The following TAOK2 variants were observed in gnomAD, a reference collection of about 807,000 sequenced individuals.
The protein encoded by TAOK2 is TAO kinase 2.
Under a neutral mutation model 122.5 loss-of-function variants are expected in TAOK2, and 42 were observed. The observed-to-expected ratio is 0.34, with a 90% CI of 0.27 to 0.44. The LOEUF is 0.44. Ranked by LOEUF, TAOK2 falls within the 20% of genes least tolerant of loss-of-function variation. The pLI is 1.00. For synonymous variants in TAOK2, 704 were observed against 677.6 expected, an observed-to-expected ratio of 1.04 and a Z score of -0.61; for missense variants, 1,264 against 1,644.9, an observed-to-expected ratio of 0.77 and a Z score of 4.01.
At chr16:29,982,949 G>GC (rs1008969200) in intron 11 of TAOK2, 48 bp downstream of exon 11, 5 of 1,607,084 alleles carry the variant, frequency 3.1e-6, no homozygotes, top group Non-Finnish European at 4.3e-6. Flanking sequence ...ATGTGTGCCT[G>GC]CCCCCTGCAG....
At position 29,983,117 on chromosome 16, in the gene TAOK2, G is replaced by A. The variant is rs760747000; in HGVS notation, c.1045G>A (p.Glu349Lys). Residue 349 changes from glutamate to lysine, a missense_variant, in exon 12 of 16, where the codon GAG becomes AAG. This residue lies in a region of TAOK2 where 254 missense variants were observed against 503.8 expected (regional missense o/e 0.50). Transcript: ENST00000308893. ...MHRAGTLTSL[E>K]SSHSVPSMSI... is the part of the protein sequence containing the mutation. ...CCGGGCCGGGACTCTGACCAGCCTC[G>A]AGAGTAGCCACTCAGTGCCCAGCAT... 5 of 1,613,872 alleles carry A rather than the reference G, an allele frequency of 3.1e-6. No homozygotes were observed. Among genetic ancestry groups the A allele is most frequent in the East Asian group, 2.2e-5 (1 of 44,880 alleles).
Position 29,983,491 on chromosome 16 carries a change from A to G in TAOK2, c.1261-12A>G, listed in dbSNP as rs565247135. ...CCTCTGAGCCTTGGGTGTTCCTTCT[A>G]TCTCCCTCTAGGGCTCTGACAACCT... On this transcript the variant is annotated splice_polypyrimidine_tract_variant and intron_variant, in intron 12 of 15. Coordinates refer to ENST00000308893, the MANE Select transcript of TAOK2 (RefSeq NM_016151.4). The G allele has an allele frequency of 1.1e-4, 169 of 1,598,216 alleles. No homozygotes were observed. The highest frequency in any genetic ancestry group is 3.3e-4 in the Middle Eastern group (2 of 5,994).
In TAOK2 at chr16:29,985,151, C is replaced by G; in HGVS notation, c.1423-62C>G. 6.9e-7 allele frequency: 1 copy of G among 1,459,606 alleles called. No individual in the cohort carries two copies. The highest frequency in any genetic ancestry group is 9.1e-7 in the Non-Finnish European group (1 of 1,104,532). 90.4% of individuals were successfully genotyped at this position (1,459,606 alleles called of 1,614,324 possible). On this transcript the variant is annotated intron_variant, in intron 13 of 15. Coordinates refer to ENST00000308893, the MANE Select transcript of TAOK2 (RefSeq NM_016151.4). This position sits in a 1 kb window ranked among gnomAD's most constrained non-coding sequence, Gnocchi z 6.9. ...CCCATGCTCTTCCCCACGGAAGACC[C>G]CTTGTGTTAATTAACTAGGGGCCAG...
In TAOK2 at chr16:29,986,488, A is replaced by T; in HGVS notation, c.2216A>T (p.Gln739Leu). Residue 739 changes from glutamine (Q) to leucine (L), a missense_variant, in exon 16 of 16, where the codon CAG becomes CTG. Gln to Leu is a moderately radical substitution (Grantham distance 113). Coordinates refer to ENST00000308893, the MANE Select transcript of TAOK2 (RefSeq NM_016151.4). The surrounding 1 kb of genome is among the most constrained non-coding windows in gnomAD (Gnocchi z 4.2). Reference protein sequence around the residue: ...RQKHAAQVRQQPKSLKVRAGQ... With the variant: ...RQKHAAQVRQLPKSLKVRAGQ... The stretch of plus-strand genomic sequence containing the variant: ...AAGCATGCGGCCCAGGTTCGCCAGC[A>T]GCCCAAGAGCCTCAAAGTACGTGCA... The T allele has an allele frequency of 6.2e-7, 1 of 1,605,854 alleles. No individual in the cohort carries two copies. The highest frequency in any genetic ancestry group is 8.5e-7 in the Non-Finnish European group (1 of 1,175,636).
At chr16:29,983,457 A>G (rs1290000284) in intron 12 of TAOK2, 46 bp from the exon 13 acceptor site, 4 of 1,578,452 alleles carry the variant, frequency 2.5e-6, no homozygotes, top group Non-Finnish European at 3.5e-6. Flanking sequence ...CTCTCTTTGG[A>G]CCCAGTGGCC....
rs199799832 is a variant in TAOK2, at chr16:29,987,839, A to G, written c.3567A>G (p.Glu1189=). Residue 1189 remains glutamate, a synonymous_variant, in exon 16 of 16, where the codon GAA becomes GAG. Transcript: ENST00000308893. ...CCAGCTGGGGCCTGCTTCGGGGTGAACGGCCCACCCGAATCCCCCGGCTAC... is the reference window on the plus strand; with the variant it reads ...CCAGCTGGGGCCTGCTTCGGGGTGAGCGGCCCACCCGAATCCCCCGGCTAC... ...TLASWGLLRG[E]RPTRIPRLLP... is the part of the protein sequence containing the mutation. 1.9e-5 allele frequency: 30 copies of G among 1,612,086 alleles called. No individual in the cohort carries two copies. In the Middle Eastern group the frequency reaches 5.0e-4, roughly 27 times the overall value.
intron 8 of TAOK2, chr16:29,981,297 G>A: frequency 3.7e-6 from 2 of 536,010 alleles, no homozygotes; most frequent in Non-Finnish European, 6.6e-6. Flanking sequence ...GGTTCCTTGA[G>A]GGTGGGGCCT....
intron 13 of TAOK2, 25 bp downstream of exon 13, chr16:29,983,689 C>G (rs778313505): frequency 2.5e-6 from 4 of 1,587,110 alleles, no homozygotes; most frequent in Non-Finnish European, 3.4e-6. Flanking sequence ...CCTCACTCAG[C>G]CTGCTCGCTG....
At chr16:29,991,085 C>G, downstream of TAOK2, 1 of 1,586,508 alleles carries the variant, frequency 6.3e-7, no homozygotes, top group South Asian at 1.1e-5. This position sits in a 1 kb window ranked among gnomAD's most constrained non-coding sequence, Gnocchi z 5.6. Flanking sequence ...CAGGACGCTC[C>G]GAGCGAATCC....
Position 29,985,995 on chromosome 16 carries a change from C to T in TAOK2, c.1992+134C>T. 8.5e-7 allele frequency: 1 copy of T among 1,179,422 alleles called. No homozygotes were observed. The highest frequency in any genetic ancestry group is 1.2e-6 in the Non-Finnish European group (1 of 843,212). The allele number at this position is 1,179,422 out of a possible 1,614,324, so 73.1% of individuals were successfully genotyped here. ...ACAGTTCAGCTTTGCTTCAGTGCCC[C>T]TTTTACTTCTCATCCCCAACAGACC... On this transcript the variant is annotated intron_variant, in intron 15 of 15. Coordinates refer to ENST00000308893, the MANE Select transcript of TAOK2 (RefSeq NM_016151.4). The surrounding 1 kb of genome is among the most constrained non-coding windows in gnomAD (Gnocchi z 6.9).
downstream of TAOK2, chr16:29,989,709 C>G: frequency 6.2e-7 from 1 of 1,614,090 alleles, no homozygotes; most frequent in Admixed American, 1.7e-5. Flanking sequence ...AGCACAAGAG[C>G]CTCCTTAAGC....
At position 29,976,068 on chromosome 16, in the gene TAOK2, TTTG is replaced by T. The variant is rs1308893611; in HGVS notation, c.-36+1426_-36+1428del. On this transcript the variant is annotated intron_variant, in intron 1 of 15. Coordinates refer to ENST00000308893, the MANE Select transcript of TAOK2 (RefSeq NM_016151.4). Reference sequence around the variant, plus strand: ...ACAGACCTTGGTTATTGTTCAAGTGTTTGTTGTTATTATGGGGAAGGGGACCTG... The same window carrying T: ...ACAGACCTTGGTTATTGTTCAAGTGTTTGTTATTATGGGGAAGGGGACCTG... Among the ~76,000 whole-genome samples the T allele has an allele frequency of 4.6e-5, 7 of 152,172 alleles. 1 individual carries two copies. Among genetic ancestry groups the T allele is most frequent in the African/African-American group, 1.7e-4 (7 of 41,434 alleles).
rs778654857 is a variant in TAOK2, at chr16:29,983,153, G to T, written c.1081G>T (p.Ala361Ser). 1.9e-6 allele frequency: 3 copies of T among 1,614,064 alleles called. No individual in the cohort carries two copies. Among genetic ancestry groups the T allele is most frequent in the Non-Finnish European group, 2.5e-6 (3 of 1,180,014 alleles). The part of the protein sequence containing the change: ...SHSVPSMSIS[A>S]SSQSSSVNSL... ...CTCAGTGCCCAGCATGTCCATCAGC[G>T]CCTCCAGCCAGAGCAGCTCCGTCAA... Residue 361 changes from alanine to serine, a missense_variant, in exon 12 of 16, where the codon GCC becomes TCC. Coordinates refer to ENST00000308893, the MANE Select transcript of TAOK2 (RefSeq NM_016151.4).
Position 29,983,624 on chromosome 16 carries a change from G to A in TAOK2, c.1382G>A (p.Arg461His), listed in dbSNP as rs146348272. ...TCCGCCCGCCGCCGGGCCTACTGCC[G>A]TAACCGAGACCACTTTGCCACCATC... ...TSSARRRAYC[R>H]NRDHFATIRT... The change falls in exon 13 of 16, where the codon CGT becomes CAT. Residue 461 changes from arginine (R) to histidine (H), a missense_variant. Coordinates refer to ENST00000308893, the MANE Select transcript of TAOK2 (RefSeq NM_016151.4). 1.3e-4 allele frequency: 212 copies of A among 1,613,474 alleles called. No homozygotes were observed. The highest frequency in any genetic ancestry group is 3.3e-4 in the Middle Eastern group (2 of 6,062).
In TAOK2 at chr16:29,981,708, T is replaced by C. The variant is rs773769604; in HGVS notation, c.703T>C (p.Tyr235His). ...LFNMNAMSAL[Y>H]HIAQNESPVL... Reference sequence around the variant, plus strand: ...TAACATGAATGCGATGAGTGCCTTATACCACATTGCACAGAACGAATCCCC... The same window carrying C: ...TAACATGAATGCGATGAGTGCCTTACACCACATTGCACAGAACGAATCCCC... Residue 235 changes from tyrosine (Y) to histidine (H), a missense_variant, in exon 9 of 16, where the codon TAC becomes CAC. Tyr to His is a moderately conservative substitution (Grantham distance 83). Around this residue, in one of 4 missense-constraint regions of TAOK2, gnomAD observed 254 missense variants for 503.8 expected, o/e 0.50. Transcript: ENST00000308893. 1.2e-6 allele frequency: 2 copies of C among 1,614,202 alleles called. No homozygotes were observed. The highest frequency in any genetic ancestry group is 1.3e-5 in the African/African-American group (1 of 75,034).
downstream of TAOK2, chr16:29,988,663 C>T (rs1259491343): frequency 4.1e-6 from 4 of 985,446 alleles, no homozygotes; most frequent in Non-Finnish European, 4.8e-6. Context: ...TTCCAGAGGT[C>T]TTAGTTTCCA....
rs199646401 is a variant in TAOK2 at position 29,987,949 on chromosome 16, G to T, written c.3677G>T (p.Arg1226Leu). 2 of 1,547,616 alleles carry T rather than the reference G, an allele frequency of 1.3e-6. No individual in the cohort carries two copies. The highest frequency in any genetic ancestry group is 1.2e-5 in the South Asian group (1 of 81,580). ...CTAGCCGGGCGGAGGTCACGCACCC[G>T]CCAGTCCCGGGCCCTGCCCCCCTGG... ...GTLAGRRSRT[R>L]QSRALPPWR The change falls in exon 16 of 16, where the codon CGC (arginine) becomes CTC (leucine). Residue 1226 changes from arginine to leucine, a missense_variant. Coordinates refer to ENST00000308893, the MANE Select transcript of TAOK2 (RefSeq NM_016151.4).
chr16:29,981,608 G>A, intron 8 of TAOK2, 53 bp from the exon 9 acceptor site: 1 of 1,557,594 alleles, frequency 6.4e-7, no homozygotes. Flanking sequence ...CCATTCCATT[G>A]TCCTCTACCC....
At position 29,974,172 on chromosome 16, in the gene TAOK2, T is replaced by A. The variant is rs1006285597; in HGVS notation, c.-512T>A. On this transcript the variant is annotated 5_prime_UTR_variant, in exon 1 of 16. Transcript: ENST00000308893. ...CAGCTCAGGCCCCTGGGTCCCAAAT[T>A]TCCAGGCTTTGCCCCTCCTCCTTTC... is the stretch of plus-strand genomic sequence containing the variant. 1 of 152,110 alleles carries A rather than the reference T, an allele frequency of 6.6e-6. No homozygotes were observed. The allele number at this position is 152,110 out of a possible 1,614,324, so 9.4% of individuals were successfully genotyped here.
Sources: gnomAD v4.1 joint callset for allele counts (sites outside exome capture counted in the v4.1 genomes callset) on GRCh38, gnomAD v4.1.1 for gene constraint, gnomAD v4.1.1 regional missense constraint, Gnocchi (gnomAD v3.1) non-coding constraint, MANE v1.5 for transcripts, NCBI Gene and HGNC (gene_info 2026-07-23, HGNC 2026-07-21) for gene names.